The following MED26 variants were observed in gnomAD, a reference collection of about 807,000 sequenced individuals.
The protein encoded by MED26 is mediator of RNA polymerase II transcription subunit 26.
A neutral mutation model predicts 43.7 loss-of-function variants in MED26; 7 were observed. That is an observed-to-expected ratio of 0.16 (90% CI 0.09 to 0.30). MED26 has a LOEUF of 0.30. MED26 is among the 10% of genes least tolerant of loss of function. The probability of loss-of-function intolerance (pLI) is 1.00; values close to 1 mark genes in which losing one functional copy is unlikely to be tolerated. For missense variants in MED26, 784 were observed against 840.6 expected (o/e 0.93, Z 0.83); for synonymous variants, 375 against 371.1 (o/e 1.01, Z -0.12).
rs2095189624 is a variant in MED26 at position 16,577,899 on chromosome 19, G to A, written c.148-217C>T. The A allele has an allele frequency of 2.4e-5, 12 of 509,138 alleles. No homozygotes were observed. The South Asian group carries it at 3.4e-4, about 15-fold the overall frequency. The allele number at this position is 509,138 out of a possible 1,614,324, so 31.5% of individuals were successfully genotyped here. A position where few individuals can be genotyped will look rare whatever the true frequency, so the allele number is the denominator to read the frequency against. The stretch of plus-strand genomic sequence containing the variant: ...TTCCCAGACCTTCAGGGTCCCAGGT[G>A]GCTTCTCAGCAGTGCTGTCACCCAG... On this transcript the variant is annotated intron_variant, in intron 2 of 2. Coordinates refer to ENST00000263390, the MANE Select transcript of MED26 (RefSeq NM_004831.5). The surrounding 1 kb of genome is among the most constrained non-coding windows in gnomAD (Gnocchi z 8.1).
In MED26 at chr19:16,577,426, C is replaced by G. The variant is rs781294294; in HGVS notation, c.404G>C (p.Arg135Thr). The G allele has an allele frequency of 6.3e-7, 1 of 1,598,514 alleles. No individual in the cohort carries two copies. ...CCTGTCCAGCCGCTGCCCGGGCAGC[C>G]TCTGGAGGTCATTGCGGCTCTTCAG... ...HDLKSRNDLQ[R>T]LPGQRLDRLG... Residue 135 changes from arginine (R) to threonine (T), a missense_variant, in exon 3 of 3, where the codon AGG becomes ACG. Physicochemically the swap from Arg to Thr is moderately conservative, Grantham distance 71 (BLOSUM62 -1). This residue lies in a region of MED26 where 719 missense variants were observed against 730.9 expected (regional missense o/e 0.98). Transcript: ENST00000263390. The surrounding 1 kb of genome is among the most constrained non-coding windows in gnomAD (Gnocchi z 8.1).
Position 16,577,515 on chromosome 19 carries a change from G to A in MED26, c.315C>T (p.Asn105=), listed in dbSNP as rs372669311. The change falls in exon 3 of 3, where the codon AAC becomes AAT. Residue 105 remains asparagine (N), a synonymous_variant. Coordinates refer to ENST00000263390, the MANE Select transcript of MED26 (RefSeq NM_004831.5). This position sits in a 1 kb window ranked among gnomAD's most constrained non-coding sequence, Gnocchi z 8.1. The stretch of plus-strand genomic sequence containing the variant: ...CCGGCCGGCAGTTGTGTGCGCCCCC[G>A]TTGGCAGAGCCGGTGGCCCCCGCCA... The part of the protein sequence containing the change: ...RGLAGATGSA[N]GGAHNCRPEV... 5.0e-6 allele frequency: 8 copies of A among 1,601,686 alleles called. No homozygotes were observed. The highest frequency in any genetic ancestry group is 2.7e-5 in the African/African-American group (2 of 74,610).
chr19:16,595,799 G>T (rs1307259274), intron 1 of MED26, among the ~76,000 whole-genome samples: 1 of 152,180 alleles, frequency 6.6e-6, no homozygotes, highest in African/African-American at 2.4e-5. Flanking sequence ...ACAGCTAAAT[G>T]TTCTATTAAT....
At chr19:16,615,162 T>C (rs570758146) in intron 1 of MED26, among the ~76,000 whole-genome samples, 5 of 152,124 alleles carry the variant, frequency 3.3e-5, no homozygotes, top group South Asian at 2.1e-4. Flanking sequence ...ATGCCTGCAA[T>C]AGTCAGAAGA....
chr19:16,610,083 G>C (rs771827605), intron 1 of MED26, among the ~76,000 whole-genome samples: 2 of 151,398 alleles, frequency 1.3e-5, no homozygotes, highest in Non-Finnish European at 2.9e-5. Flanking sequence ...GCAACACAGC[G>C]AGACCGTCTC....
chr19:16,594,068 G>A (rs1018528413), intron 1 of MED26, among the ~76,000 whole-genome samples: 4 of 152,308 alleles, frequency 2.6e-5, no homozygotes, highest in South Asian at 4.1e-4. Context: ...GCAAAGCCAC[G>A]AATTAAAGCA....
At chr19:16,585,733 C>T (rs1444702800) in intron 1 of MED26, among the ~76,000 whole-genome samples, 7 of 152,200 alleles carry the variant, frequency 4.6e-5, no homozygotes, top group Non-Finnish European at 8.8e-5. Flanking sequence ...CTTCTGAAAA[C>T]CCACCTACGA....
intron 1 of MED26, among the ~76,000 whole-genome samples, chr19:16,626,311 G>A (rs1177645279): frequency 6.6e-6 from 1 of 152,100 alleles, no homozygotes; most frequent in Non-Finnish European, 1.5e-5. Flanking sequence ...AGTCACCAAG[G>A]CTATTTTTTT....
At chr19:16,603,472 A>C (rs1324524120) in intron 1 of MED26, among the ~76,000 whole-genome samples, 1 of 152,060 alleles carries the variant, frequency 6.6e-6, no homozygotes, top group Non-Finnish European at 1.5e-5. Flanking sequence ...CTTTTTTTAA[A>C]AAAAAAATTC....
At chr19:16,606,038 A>G (rs1049901078) in intron 1 of MED26, among the ~76,000 whole-genome samples, 2 of 152,210 alleles carry the variant, frequency 1.3e-5, no homozygotes, top group Non-Finnish European at 2.9e-5. Context: ...GGGATAGAGC[A>G]TCGGATCACT....
rs201182566 is a variant in MED26 at position 16,576,995 on chromosome 19, G to C, written c.835C>G (p.Arg279Gly). Reference protein sequence around the residue: ...PRCSFSPRNSRHEGSFARQQS... With the variant: ...PRCSFSPRNSGHEGSFARQQS... ...TGCCGGGCAAAGGAGCCCTCATGCC[G>C]TGAGTTCCGAGGACTGAAAGAGCAG... Residue 279 changes from arginine (R) to glycine (G), a missense_variant, in exon 3 of 3, where the codon CGG becomes GGG. Arg to Gly is a moderately radical substitution (Grantham distance 125). Around this residue, in one of 3 missense-constraint regions of MED26, gnomAD observed 719 missense variants for 730.9 expected, o/e 0.98. Coordinates refer to ENST00000263390, the MANE Select transcript of MED26 (RefSeq NM_004831.5). This position sits in a 1 kb window ranked among gnomAD's most constrained non-coding sequence, Gnocchi z 6.8. 1 of 1,606,836 alleles carries C rather than the reference G, an allele frequency of 6.2e-7. No homozygotes were observed. Among genetic ancestry groups the C allele is most frequent in the Non-Finnish European group, 8.5e-7 (1 of 1,175,316 alleles).
chr19:16,602,302 C>A (rs573208776), intron 1 of MED26, among the ~76,000 whole-genome samples: 1 of 152,346 alleles, frequency 6.6e-6, no homozygotes, highest in African/African-American at 2.4e-5. Context: ...CTTCTCACAG[C>A]AACCCTGAGC....
At chr19:16,607,868 C>T (rs2086181380) in intron 1 of MED26, among the ~76,000 whole-genome samples, 1 of 152,256 alleles carries the variant, frequency 6.6e-6, no homozygotes, top group East Asian at 1.9e-4. Context: ...GATACCCTGC[C>T]TCCCCTTCAG....
intron 1 of MED26, among the ~76,000 whole-genome samples, chr19:16,605,118 C>T (rs1396119403): frequency 6.6e-6 from 1 of 152,060 alleles, no homozygotes; most frequent in African/African-American, 2.4e-5. Context: ...CACAGGTATA[C>T]GAATTTGTCA....
chr19:16,581,098 C>T (rs533383797), intron 1 of MED26, among the ~76,000 whole-genome samples: 51 of 152,330 alleles, frequency 3.3e-4, no homozygotes, highest in African/African-American at 3.4e-4. Flanking sequence ...CGTGTTGTCT[C>T]CTCTGGGTGT....
Position 16,586,554 on chromosome 19 carries a change from C to A in MED26, c.73-8145G>T, listed in dbSNP as rs1312918247. ...GCCACCTCCACGGTCTCCGTGTTGT[C>A]TATGCCTTGTCCCCAGGATGCCTGA... On this transcript the variant is annotated intron_variant, in intron 1 of 2. Transcript: ENST00000263390. This position sits in a 1 kb window ranked among gnomAD's most constrained non-coding sequence, Gnocchi z 5.1. 6.6e-6 allele frequency among the ~76,000 whole-genome samples: 1 copy of A among 152,272 alleles called. No homozygotes were observed.
At chr19:16,605,009 G>A (rs933253009) in intron 1 of MED26, among the ~76,000 whole-genome samples, 1 of 152,216 alleles carries the variant, frequency 6.6e-6, no homozygotes, top group African/African-American at 2.4e-5. Flanking sequence ...ATGTGGTGCC[G>A]GTGGCGGGGT....
At chr19:16,626,823 T>C (rs2086278565) in intron 1 of MED26, among the ~76,000 whole-genome samples, 1 of 152,130 alleles carries the variant, frequency 6.6e-6, no homozygotes, top group Admixed American at 6.5e-5. Flanking sequence ...TGGATGCTAC[T>C]GCATCTTCCT....
At chr19:16,583,478 AAGTGCCT>A (rs1568280871) in intron 1 of MED26, among the ~76,000 whole-genome samples, 1 of 151,948 alleles carries the variant, frequency 6.6e-6, no homozygotes, top group Non-Finnish European at 1.5e-5. Flanking sequence ...TTGCTGCGGG[AAGTGCCT>A]GTGAAGGGCA....
Sources: gnomAD v4.1 joint callset for allele counts (sites outside exome capture counted in the v4.1 genomes callset) on GRCh38, gnomAD v4.1.1 for gene constraint, gnomAD v4.1.1 regional missense constraint, Gnocchi (gnomAD v3.1) non-coding constraint, MANE v1.5 for transcripts, NCBI Gene and HGNC (gene_info 2026-07-23, HGNC 2026-07-21) for gene names.